Variants in RPH3A observed in about 807,000 individuals in gnomAD.
RPH3A encodes the protein rabphilin 3A.
RPH3A carries 48 observed loss-of-function variants against 102.2 expected under a neutral mutation model. The ratio of observed to expected loss-of-function variants is 0.47; its 90% CI spans 0.37 to 0.60. The LOEUF is 0.60. Ranked by LOEUF, RPH3A falls within the 20% of genes least tolerant of loss-of-function variation. The pLI is 0.00. For synonymous variants in RPH3A, 310 were observed against 324.3 expected, an observed-to-expected ratio of 0.96 and a Z score of 0.47; for missense variants, 781 against 910.1, an observed-to-expected ratio of 0.86 and a Z score of 1.83.
chr12:112,659,970 G>GT, intron 1 of RPH3A, among the ~76,000 whole-genome samples: 1 of 152,260 alleles, frequency 6.6e-6, no homozygotes, highest in African/African-American at 2.4e-5. Context: ...GTGGTGAATG[G>GT]TTTTTAGAAG....
chr12:112,675,426 C>T (rs569030717), intron 1 of RPH3A, among the ~76,000 whole-genome samples: 16 of 152,246 alleles, frequency 1.1e-4, no homozygotes, highest in South Asian at 4.1e-4. Context: ...GTACCAGCAA[C>T]GGTGCTCTAT....
Position 112,594,115 on chromosome 12 carries a change from C to T in RPH3A, c.-140+18796C>T, listed in dbSNP as rs967849278. Among the ~76,000 whole-genome samples the T allele has an allele frequency of 8.5e-5, 13 of 152,320 alleles. 1 individual carries two copies. Among genetic ancestry groups the T allele is most frequent in the South Asian group, 2.1e-4 (1 of 4,826 alleles). On this transcript the variant is annotated intron_variant, in intron 1 of 21. Coordinates refer to the RPH3A transcript ENST00000543106. ...TTAGACTTTTGTTTCGGTACTGCCTCTAATCAGTTGTGTTATTCTGGACCA... is the reference window on the plus strand; with the variant it reads ...TTAGACTTTTGTTTCGGTACTGCCTTTAATCAGTTGTGTTATTCTGGACCA...
At chr12:112,632,031 G>T (rs1245959465) in intron 1 of RPH3A, among the ~76,000 whole-genome samples, 1 of 152,162 alleles carries the variant, frequency 6.6e-6, no homozygotes, top group Admixed American at 6.5e-5. Context: ...GGTGGGAGAT[G>T]ATTGAATTAT....
intron 1 of RPH3A, among the ~76,000 whole-genome samples, chr12:112,774,202 G>T (rs1310099810): frequency 6.6e-6 from 1 of 151,862 alleles, no homozygotes; most frequent in Non-Finnish European, 1.5e-5. Context: ...ATATAGAGAG[G>T]TATATCTATG....
At chr12:112,840,349 AG>A (rs1184795594) in intron 4 of RPH3A, among the ~76,000 whole-genome samples, 1 of 152,162 alleles carries the variant, frequency 6.6e-6, no homozygotes, top group African/African-American at 2.4e-5. Context: ...CTAATCTTCT[AG>A]TTATTTTGAA....
chr12:112,603,447 C>T (rs995293372), intron 1 of RPH3A, among the ~76,000 whole-genome samples: 1 of 152,078 alleles, frequency 6.6e-6, no homozygotes, highest in Admixed American at 6.5e-5. Context: ...ACAGCTACTC[C>T]ATAGACAGAG....
At chr12:112,870,621 A>C (rs2042692524) in intron 10 of RPH3A, among the ~76,000 whole-genome samples, 1 of 151,912 alleles carries the variant, frequency 6.6e-6, no homozygotes, top group South Asian at 2.1e-4. Flanking sequence ...CTTGTCTGAG[A>C]CCTCAAAGCG....
At chr12:112,637,215 G>T (rs1363440450) in intron 1 of RPH3A, among the ~76,000 whole-genome samples, 3 of 151,994 alleles carry the variant, frequency 2.0e-5, no homozygotes, top group Non-Finnish European at 4.4e-5. Context: ...TCTCCTTTCT[G>T]ATACAACAGA....
intron 1 of RPH3A, among the ~76,000 whole-genome samples, chr12:112,635,196 C>T (rs889720356): frequency 6.6e-6 from 1 of 152,164 alleles, no homozygotes; most frequent in African/African-American, 2.4e-5. Flanking sequence ...CAATATGTAA[C>T]CAAGTGGGTG....
intron 1 of RPH3A, among the ~76,000 whole-genome samples, chr12:112,665,997 G>T (rs1389481992): frequency 6.6e-6 from 1 of 152,200 alleles, no homozygotes; most frequent in Non-Finnish European, 1.5e-5. Context: ...CCACTGGTTG[G>T]TCAGGTGAAT....
intron 1 of RPH3A, among the ~76,000 whole-genome samples, chr12:112,727,545 C>T (rs1010154045): frequency 7.4e-5 from 10 of 134,338 alleles, no homozygotes; most frequent in African/African-American, 2.8e-4. Flanking sequence ...AACATGACCA[C>T]TACCATGAGA....
chr12:112,826,237 G>A (rs554435357), intron 2 of RPH3A, among the ~76,000 whole-genome samples: 1 of 152,330 alleles, frequency 6.6e-6, no homozygotes, highest in South Asian at 2.1e-4. Context: ...TGAGGGAAGA[G>A]CAAGTGGGAA....
intron 1 of RPH3A, among the ~76,000 whole-genome samples, chr12:112,655,358 A>C (rs2040003490): frequency 6.6e-6 from 1 of 152,170 alleles, no homozygotes; most frequent in Non-Finnish European, 1.5e-5. Context: ...ATAATGATTC[A>C]TGAATTGTTT....
intron 1 of RPH3A, among the ~76,000 whole-genome samples, chr12:112,755,351 A>G (rs1426208754): frequency 1.3e-5 from 2 of 151,510 alleles, no homozygotes; most frequent in Admixed American, 6.6e-5. Flanking sequence ...ACATATGCAT[A>G]CCTTGTTAAA....
intron 1 of RPH3A, among the ~76,000 whole-genome samples, chr12:112,700,560 A>G (rs1317961625): frequency 2.6e-5 from 4 of 152,012 alleles, no homozygotes; most frequent in South Asian, 2.1e-4. Context: ...TTCTGCCCCT[A>G]TCCCTCTATG....
chr12:112,784,799 T>C lies in RPH3A; in HGVS notation c.-139-7344T>C, dbSNP rs557924345. Among the ~76,000 whole-genome samples, 3 of 152,346 alleles carry C rather than the reference T, an allele frequency of 2.0e-5. No individual in the cohort carries two copies. The South Asian group carries it at 6.2e-4, about 32-fold the overall frequency. On this transcript the variant is annotated intron_variant, in intron 1 of 21. Coordinates refer to the RPH3A transcript ENST00000543106. The stretch of plus-strand genomic sequence containing the variant: ...CAATAAGTGTCAGCTGTTTATTTGT[T>C]ACAGGCTAGAAACAGATTCAGATTC...
intron 2 of RPH3A, among the ~76,000 whole-genome samples, chr12:112,826,905 C>T (rs2041886192): frequency 6.6e-6 from 1 of 152,136 alleles, no homozygotes; most frequent in Admixed American, 6.5e-5. Context: ...CATTCTTGTA[C>T]ATGTCTTAGA....
At chr12:112,776,873 C>CAAAAAAAAAAAAAAAAAAA (rs548377186) in intron 1 of RPH3A, among the ~76,000 whole-genome samples, 1 of 73,910 alleles carries the variant, frequency 1.4e-5, no homozygotes, top group African/African-American at 5.5e-5. Flanking sequence ...GACTCCATCT[C>CAAAAAAAAAAAAAAAAAAA]AAAAAAAAAA....
intron 12 of RPH3A, 111 bp from the exon 13 acceptor site, chr12:112,876,531 C>T: frequency 6.7e-6 from 5 of 745,114 alleles, no homozygotes; most frequent in Non-Finnish European, 1.1e-5. Context: ...CACTGCATAT[C>T]CACTGATTCC....
Sources: gnomAD v4.1 joint callset for allele counts (sites outside exome capture counted in the v4.1 genomes callset) on GRCh38, gnomAD v4.1.1 for gene constraint, MANE v1.5 for transcripts, NCBI Gene and HGNC (gene_info 2026-07-23, HGNC 2026-07-21) for gene names.